Variants in AIDA observed in about 807,000 individuals in gnomAD.
AIDA encodes axin interactor, dorsalization-associated protein.
In AIDA, 18 loss-of-function variants were observed where a neutral mutation model predicts 42.7. The observed-to-expected ratio is 0.42, with a 90% CI of 0.29 to 0.63. AIDA has a LOEUF of 0.63. Among genes scored for constraint, AIDA ranks in the 20% least tolerant of loss-of-function variants. AIDA has a pLI of 0.19. For synonymous variants in AIDA, 104 were observed against 122.9 expected (o/e 0.85, Z 1.02); for missense variants, 250 against 354.1 (o/e 0.71, Z 2.36).
intron 4 of AIDA, among the ~76,000 whole-genome samples, chr1:222,689,479 G>GTGTA (rs1553294351): frequency 8.8e-5 from 4 of 45,238 alleles, no homozygotes; most frequent in Admixed American, 1.9e-4. Context: ...ATGTGTGTGT[G>GTGTA]TGTATATATA....
At position 222,683,882 on chromosome 1, in the gene AIDA, G is replaced by A. The variant is rs552993097; in HGVS notation, c.460+3048C>T. ...TTAAATATTTTGAAAAGGAAGGAAGGAGATTAATATCAAGAAAGGTAAGTA... is the reference window on the plus strand; with the variant it reads ...TTAAATATTTTGAAAAGGAAGGAAGAAGATTAATATCAAGAAAGGTAAGTA... On this transcript the variant is annotated intron_variant, in intron 6 of 9. Transcript: ENST00000340020. Among the ~76,000 whole-genome samples, 12 of 152,140 alleles carry A rather than the reference G, an allele frequency of 7.9e-5. No individual in the cohort carries two copies. The South Asian group carries it at 1.5e-3, about 18-fold the overall frequency.
At chr1:222,674,824 T>G (rs550222766) in intron 7 of AIDA, among the ~76,000 whole-genome samples, 118 of 152,342 alleles carry the variant, frequency 7.7e-4, no homozygotes, top group Non-Finnish European at 1.3e-3. Flanking sequence ...AGTACATTGA[T>G]TGTTTCAGTT....
At chr1:222,690,864 C>G (rs1655351675) in intron 4 of AIDA, among the ~76,000 whole-genome samples, 2 of 152,114 alleles carry the variant, frequency 1.3e-5, no homozygotes, top group African/African-American at 4.8e-5. Flanking sequence ...TTCTTCTTCT[C>G]AACAAATATG....
intron 8 of AIDA, among the ~76,000 whole-genome samples, chr1:222,671,612 T>C (rs879644298): frequency 6.6e-6 from 1 of 152,096 alleles, no homozygotes; most frequent in African/African-American, 2.4e-5. Flanking sequence ...AAAAAACCAA[T>C]TGCTCAGGAG....
At chr1:222,704,424 A>G (rs1384874066) in intron 1 of AIDA, among the ~76,000 whole-genome samples, 1 of 152,226 alleles carries the variant, frequency 6.6e-6, no homozygotes, top group Non-Finnish European at 1.5e-5. Context: ...ATGTCCATCA[A>G]CTGATGGACA....
At chr1:222,682,320 C>G (rs1664668660) in intron 6 of AIDA, among the ~76,000 whole-genome samples, 1 of 152,086 alleles carries the variant, frequency 6.6e-6, no homozygotes, top group Non-Finnish European at 1.5e-5. Context: ...AATGCCTTCT[C>G]AGAAAATTAC....
At chr1:222,711,777 A>G (rs1656053506) in intron 1 of AIDA, 2 of 184,608 alleles carry the variant, frequency 1.1e-5, no homozygotes, top group Non-Finnish European at 2.3e-5. Flanking sequence ...AAGGCCACTC[A>G]TCCTTGGAAC....
chr1:222,676,894 T>C (rs1408400193), intron 6 of AIDA, among the ~76,000 whole-genome samples: 2 of 151,594 alleles, frequency 1.3e-5, no homozygotes, highest in African/African-American at 4.8e-5. Context: ...TTCCCATTCT[T>C]TTCCTTATGA....
rs760173268 is a variant in AIDA at position 222,673,370 on chromosome 1, A to G, written c.649T>C (p.Tyr217His). 40 of 1,611,232 alleles carry G rather than the reference A, an allele frequency of 2.5e-5. No homozygotes were observed. The Admixed American group carries it at 6.5e-4, about 26-fold the overall frequency. ...TCAATGTCCACATTAAAATGAACAT[A>G]TGTATCTTCTTTTCTTGAAGCCACA... ...TPVASRKEDTYVHFNVDIELQ... is the reference protein window; with the variant it reads ...TPVASRKEDTHVHFNVDIELQ... The change falls in exon 8 of 10, where the codon TAT (tyrosine) becomes CAT (histidine). Residue 217 changes from tyrosine (Y) to histidine (H), a missense_variant. Coordinates refer to ENST00000340020, the MANE Select transcript of AIDA (RefSeq NM_022831.4).
At chr1:222,711,881 C>A in intron 1 of AIDA, 1 of 276,570 alleles carries the variant, frequency 3.6e-6, no homozygotes, top group South Asian at 3.9e-5. Flanking sequence ...AAACTGACTG[C>A]CAAGTGGGGG....
At chr1:222,689,469 A>ATGTGTGTGTGTGTGTG (rs770894575) in intron 4 of AIDA, among the ~76,000 whole-genome samples, 1 of 61,298 alleles carries the variant, frequency 1.6e-5, no homozygotes, top group African/African-American at 7.5e-5. Flanking sequence ...GAAAATATGT[A>ATGTGTGTGTGTGTGTG]TGTGTGTGTG....
At chr1:222,703,502 T>A (rs1655764287) in intron 1 of AIDA, among the ~76,000 whole-genome samples, 1 of 152,196 alleles carries the variant, frequency 6.6e-6, no homozygotes, top group Non-Finnish European at 1.5e-5. Flanking sequence ...AATCCAACTT[T>A]CTTTAGTATG....
intron 1 of AIDA, 144 bp from the exon 2 acceptor site, chr1:222,703,361 CT>C: frequency 4.2e-6 from 2 of 479,238 alleles, no homozygotes; most frequent in Non-Finnish European, 7.0e-6. Context: ...CCAAATTCTT[CT>C]CAAAAAAAAA....
rs1392011856 is a variant in AIDA, at chr1:222,668,941, A to C, written c.*952T>G. The C allele has an allele frequency of 7.2e-5, 11 of 151,928 alleles. No homozygotes were observed. Among genetic ancestry groups the C allele is most frequent in the Admixed American group, 1.3e-4 (2 of 15,248 alleles). 9.4% of individuals were successfully genotyped at this position (151,928 alleles called of 1,614,324 possible). ...CGATCCTATCTACCTATATAAAAAA[A>C]ATAGAATATCTTTCCAGATTTTGCA... On this transcript the variant is annotated 3_prime_UTR_variant, in exon 10 of 10. Transcript: ENST00000340020.
Position 222,669,876 on chromosome 1 carries a change from G to T in AIDA, c.*17C>A. 1 of 1,604,970 alleles carries T rather than the reference G, an allele frequency of 6.2e-7. No homozygotes were observed. On this transcript the variant is annotated 3_prime_UTR_variant, in exon 10 of 10. Coordinates refer to ENST00000340020, the MANE Select transcript of AIDA (RefSeq NM_022831.4). ...AGTGGTAAAATTCACAGAAGTTCCA[G>T]GTTCATCATGTCAGGATCATTCCTT...
chr1:222,700,498 C>T lies in AIDA; in HGVS notation c.180+2650G>A, dbSNP rs544468081. 1.4e-4 allele frequency among the ~76,000 whole-genome samples: 22 copies of T among 152,252 alleles called. No homozygotes were observed. The East Asian group carries it at 4.1e-3, about 28-fold the overall frequency. On this transcript the variant is annotated intron_variant, in intron 2 of 9. Transcript: ENST00000340020. The stretch of plus-strand genomic sequence containing the variant: ...TCGGGCCGGGCGCGGTGGCTCACGC[C>T]TGTAATCCCAGCACTCTGGGAGGCC...
intron 2 of AIDA, among the ~76,000 whole-genome samples, chr1:222,701,613 C>T (rs1655706564): frequency 6.6e-6 from 1 of 152,126 alleles, no homozygotes. Flanking sequence ...TTAAGCAAAT[C>T]AGTAATTTCC....
chr1:222,704,552 T>C (rs997189536), intron 1 of AIDA, among the ~76,000 whole-genome samples: 2 of 152,156 alleles, frequency 1.3e-5, no homozygotes, highest in Non-Finnish European at 2.9e-5. Context: ...AAAAGCCAGA[T>C]GCAAAAGATT....
At chr1:222,686,834 G>A in intron 6 of AIDA, 96 bp downstream of exon 6, 1 of 1,435,564 alleles carries the variant, frequency 7.0e-7, no homozygotes, top group African/African-American at 1.4e-5. Context: ...CTTTAGAGTG[G>A]TTGTACTGCC....
Sources: allele counts gnomAD v4.1 joint callset (sites outside exome capture counted in the v4.1 genomes callset), GRCh38; gene constraint gnomAD v4.1.1; transcripts MANE v1.5; gene names NCBI Gene and HGNC (gene_info 2026-07-23, HGNC 2026-07-21).